The following AFAP1 variants were observed in gnomAD, a reference collection of about 807,000 sequenced individuals.
AFAP1 encodes actin filament associated protein 1, also known as actin filament-associated protein 1.
A neutral mutation model predicts 93.9 loss-of-function variants in AFAP1; 75 were observed. The ratio of observed to expected loss-of-function variants is 0.80; its 90% CI spans 0.66 to 0.97. The LOEUF (loss-of-function observed/expected upper bound fraction) is 0.97. AFAP1 is among the 50% of genes least tolerant of loss of function. The pLI, the probability that AFAP1 is intolerant of heterozygous loss-of-function variation, is 0.00. For synonymous variants in AFAP1, 517 were observed against 430.7 expected, an observed-to-expected ratio of 1.20 and a Z score of -2.48; for missense variants, 1,201 against 1,050.8, an observed-to-expected ratio of 1.14 and a Z score of -1.98.
intron 6 of AFAP1, among the ~76,000 whole-genome samples, chr4:7,822,091 T>A (rs1022854042): frequency 2.0e-5 from 2 of 98,212 alleles, no homozygotes; most frequent in Middle Eastern, 5.6e-3. Context: ...AGGTGTTTAT[T>A]AAGTCTCCAA....
intron 6 of AFAP1, 87 bp downstream of exon 6, chr4:7,838,437 C>T: frequency 6.9e-7 from 1 of 1,449,616 alleles, no homozygotes; most frequent in South Asian, 1.5e-5. Context: ...TATGCTTGAA[C>T]AAAATTAAAA....
At chr4:7,821,002 C>T (rs911372506) in intron 6 of AFAP1, among the ~76,000 whole-genome samples, 3 of 152,096 alleles carry the variant, frequency 2.0e-5, no homozygotes, top group Non-Finnish European at 4.4e-5. Context: ...CCTGTAATCC[C>T]AGCAACTCAG....
chr4:7,806,831 G>A (rs538428959), intron 9 of AFAP1, among the ~76,000 whole-genome samples: 13 of 152,296 alleles, frequency 8.5e-5, no homozygotes, highest in African/African-American at 2.9e-4. Flanking sequence ...AGATGCTGTG[G>A]ATTCAGTATT....
chr4:7,768,854 C>G lies in AFAP1; in HGVS notation c.2408G>C (p.Arg803Pro), dbSNP rs753040534. 1 of 1,598,370 alleles carries G rather than the reference C, an allele frequency of 6.3e-7. No homozygotes were observed. The highest frequency in any genetic ancestry group is 1.1e-5 in the South Asian group (1 of 90,148). The stretch of plus-strand genomic sequence containing the variant: ...GACATCAGGGCTTACCTTGGCCTTC[C>G]GCAGCACATGCCCTCGGCAGGGGGA... ...GSSPCRGHVL[R>P]KAKEWELKNG... is the part of the protein sequence containing the mutation. The change falls in exon 17 of 18, where the codon CGG (arginine) becomes CCG (proline). Residue 803 changes from arginine (R) to proline (P), a missense_variant. Transcript: ENST00000420658.
At chr4:7,836,217 T>C (rs1429628274) in intron 6 of AFAP1, among the ~76,000 whole-genome samples, 1 of 152,214 alleles carries the variant, frequency 6.6e-6, no homozygotes, top group Non-Finnish European at 1.5e-5. Context: ...TTCTTACATA[T>C]GACCCAAGAA....
intron 1 of AFAP1, among the ~76,000 whole-genome samples, chr4:7,933,751 G>GC (rs1721229471): frequency 6.6e-6 from 1 of 152,264 alleles, no homozygotes; most frequent in Non-Finnish European, 1.5e-5. Context: ...CAGATGGCCA[G>GC]CAAGGGGACA....
At position 7,835,070 on chromosome 4, in the gene AFAP1, T is replaced by C. The variant is rs1316357624; in HGVS notation, c.726+3454A>G. Among the ~76,000 whole-genome samples, 20 of 89,908 alleles carry C rather than the reference T, an allele frequency of 2.2e-4. 1 individual carries two copies. Among genetic ancestry groups the C allele is most frequent in the Non-Finnish European group, 6.5e-5 (3 of 46,094 alleles). 59.0% of individuals were successfully genotyped at this position (89,908 alleles called of 152,430 possible). On this transcript the variant is annotated intron_variant, in intron 6 of 17. Transcript: ENST00000420658. ...TAAGGTTACCTGGGTGGCTCTTGAA[T>C]GGACTGCGGGCTGCCTTAAGGTTAC... is the stretch of plus-strand genomic sequence containing the variant.
chr4:7,801,914 C>CAAAAAAAAAAAAAAAAAAAAAAAAAAAA (rs531684652), intron 9 of AFAP1, among the ~76,000 whole-genome samples: 3 of 65,198 alleles, frequency 4.6e-5, no homozygotes, highest in East Asian at 9.3e-4. Context: ...GACCCTATCA[C>CAAAAAAAAAAAAAAAAAAAAAAAAAAAA]AAAAAAAAAA....
intron 6 of AFAP1, among the ~76,000 whole-genome samples, chr4:7,823,964 A>T (rs751287549): frequency 6.6e-6 from 1 of 152,266 alleles, no homozygotes; most frequent in Non-Finnish European, 1.5e-5. Context: ...AAAAACATGC[A>T]TCAGCATAAA....
At chr4:7,823,919 A>G (rs916942188) in intron 6 of AFAP1, among the ~76,000 whole-genome samples, 2 of 152,240 alleles carry the variant, frequency 1.3e-5, no homozygotes, top group Non-Finnish European at 2.9e-5. Flanking sequence ...CCCAGGCATA[A>G]TAACTATGTC....
At chr4:7,764,333 G>A (rs1204296791) in intron 17 of AFAP1, among the ~76,000 whole-genome samples, 1 of 152,090 alleles carries the variant, frequency 6.6e-6, no homozygotes, top group Non-Finnish European at 1.5e-5. Flanking sequence ...GTGAGGCTAG[G>A]AGTTTGAGAC....
chr4:7,784,137 G>C (rs772058366), intron 12 of AFAP1, among the ~76,000 whole-genome samples: 1 of 152,134 alleles, frequency 6.6e-6, no homozygotes, highest in Non-Finnish European at 1.5e-5. Context: ...CCCTACCCAG[G>C]GGTGGAGTGC....
At chr4:7,804,494 A>C (rs1231427654) in intron 9 of AFAP1, among the ~76,000 whole-genome samples, 2 of 152,242 alleles carry the variant, frequency 1.3e-5, no homozygotes, top group Non-Finnish European at 2.9e-5. Flanking sequence ...AGAAATAGAA[A>C]ACTAACTTTA....
Position 7,838,834 on chromosome 4 carries a change from T to TCACACACACACA in AFAP1, c.547-143_547-132dup, listed in dbSNP as rs113955695. The TCACACACACACA allele has an allele frequency of 3.5e-5, 26 of 744,918 alleles. No individual in the cohort carries two copies. The African/African-American group carries it at 4.5e-4, about 13-fold the overall frequency. 46.1% of individuals were successfully genotyped at this position (744,918 alleles called of 1,614,324 possible). Reference sequence around the variant, plus strand: ...AGTCTGAATCTGCAGATGAGCAGGTTCACACACACACACACACACACACAT... The same window carrying TCACACACACACA: ...AGTCTGAATCTGCAGATGAGCAGGTTCACACACACACACACACACACACACACACACACACAT... On this transcript the variant is annotated intron_variant, in intron 5 of 17. Coordinates refer to ENST00000420658, the MANE Select transcript of AFAP1 (RefSeq NM_001134647.2).
intron 17 of AFAP1, among the ~76,000 whole-genome samples, chr4:7,766,712 G>C (rs529042534): frequency 1.3e-5 from 2 of 152,114 alleles, no homozygotes; most frequent in African/African-American, 4.8e-5. Flanking sequence ...CCTGCCCCTC[G>C]GGCACCTCCC....
chr4:7,911,306 G>T (rs1719710038), intron 1 of AFAP1, among the ~76,000 whole-genome samples: 1 of 152,180 alleles, frequency 6.6e-6, no homozygotes, highest in Admixed American at 6.5e-5. Context: ...TACAGCCGGA[G>T]GGGGGAAGGG....
chr4:7,921,759 A>G (rs190127980), intron 1 of AFAP1, among the ~76,000 whole-genome samples: 10 of 152,358 alleles, frequency 6.6e-5, no homozygotes, highest in African/African-American at 9.6e-5. Context: ...GGTTGGGAAC[A>G]ACCTAAATAC....
chr4:7,834,144 T>G (rs555194484), intron 6 of AFAP1, among the ~76,000 whole-genome samples: 2 of 140,970 alleles, frequency 1.4e-5, no homozygotes, highest in African/African-American at 2.8e-5. Context: ...TACAATGGAA[T>G]ACTACTCAGC....
Position 7,768,929 on chromosome 4 carries a change from G to A in AFAP1, c.2333C>T (p.Pro778Leu), listed in dbSNP as rs139760292. The change falls in exon 17 of 18, where the codon CCG (proline) becomes CTG (leucine). Residue 778 changes from proline (P) to leucine (L), a missense_variant. Coordinates refer to ENST00000420658, the MANE Select transcript of AFAP1 (RefSeq NM_001134647.2). The part of the protein sequence containing the change: ...CDTSDTEGPV[P>L]VNSAAVLKKS... ...CTTCAAGACGGCCGCGCTGTTCACC[G>A]GCACGGGGCCCTCGGTGTCACTGGT... 178 of 1,613,804 alleles carry A rather than the reference G, an allele frequency of 1.1e-4. No individual in the cohort carries two copies. The highest frequency in any genetic ancestry group is 1.7e-4 in the Middle Eastern group (1 of 6,056).
Sources: allele counts gnomAD v4.1 joint callset (sites outside exome capture counted in the v4.1 genomes callset), GRCh38; gene constraint gnomAD v4.1.1; transcripts MANE v1.5; gene names NCBI Gene and HGNC (gene_info 2026-07-23, HGNC 2026-07-21).